The following SLC37A1 variants were observed in gnomAD, a reference collection of about 807,000 sequenced individuals.
SLC37A1 encodes the protein glucose-6-phosphate exchanger SLC37A1.
In SLC37A1, 49 loss-of-function variants were observed where a neutral mutation model predicts 75.3. The ratio of observed to expected loss-of-function variants is 0.65; its 90% confidence interval spans 0.52 to 0.83. The LOEUF (loss-of-function observed/expected upper bound fraction) is 0.83, where lower values mean the gene tolerates loss of function less well. SLC37A1 is among the 40% of genes least tolerant of loss of function. The pLI is 0.00. For synonymous variants in SLC37A1, 268 were observed against 292.1 expected (o/e 0.92, Z 0.84); for missense variants, 566 against 695.0 (o/e 0.81, Z 2.09).
At chr21:42,538,723 GC>G (rs1337207425) in intron 5 of SLC37A1, among the ~76,000 whole-genome samples, 1 of 152,224 alleles carries the variant, frequency 6.6e-6, no homozygotes, top group African/African-American at 2.4e-5. Context: ...TGCTGTGATG[GC>G]GGCTAAAGAC....
At chr21:42,507,658 C>G (rs757382281) in intron 2 of SLC37A1, among the ~76,000 whole-genome samples, 11 of 152,292 alleles carry the variant, frequency 7.2e-5, no homozygotes, top group Admixed American at 6.5e-5. Flanking sequence ...GTACTTCTTA[C>G]GAAGGCCTCA....
chr21:42,542,341 C>A, intron 6 of SLC37A1, 63 bp from the exon 7 acceptor site: 1 of 1,482,400 alleles, frequency 6.7e-7, no homozygotes, highest in Non-Finnish European at 9.3e-7. Flanking sequence ...CTGTGCACCT[C>A]CCTGCAGCGC....
At position 42,539,738 on chromosome 21, in the gene SLC37A1, TGGGAAG is replaced by T. The variant is rs2083131658; in HGVS notation, c.486+95_486+100del. ...TGTCACGTCACCTCTGTCAAGGTGT[TGGGAAG>T]GGGCAGAAGTGCGTCCTGTCGGAAG... On this transcript the variant is annotated intron_variant, in intron 6 of 19. Transcript: ENST00000352133. 3 of 1,356,312 alleles carry T rather than the reference TGGGAAG, an allele frequency of 2.2e-6. No homozygotes were observed. In the Admixed American group the frequency reaches 7.3e-5, roughly 33 times the overall value. 84.0% of individuals were successfully genotyped at this position (1,356,312 alleles called of 1,614,324 possible). A position where few individuals can be genotyped will look rare whatever the true frequency, so the allele number is the denominator to read the frequency against.
rs1161313598 is a variant in SLC37A1, at chr21:42,530,654, A to ACACACACCCCC, written c.139-4043_139-4042insACACACCCCCC. On this transcript the variant is annotated intron_variant, in intron 3 of 19. Coordinates refer to ENST00000352133, the MANE Select transcript of SLC37A1 (RefSeq NM_001320537.2). ...CACACACACACACACACACACACAC[A>ACACACACCCCC]CCCCCTCTGTGTTGGCTGAAGGTGG... Among the ~76,000 whole-genome samples the ACACACACCCCC allele has an allele frequency of 2.3e-3, 83 of 35,880 alleles. 6 individuals carry two copies. The highest frequency in any genetic ancestry group is 3.3e-3 in the Non-Finnish European group (63 of 19,096). 23.5% of individuals were successfully genotyped at this position (35,880 alleles called of 152,430 possible).
intron 2 of SLC37A1, chr21:42,508,746 T>C (rs1489974977): frequency 6.6e-6 from 1 of 152,210 alleles, no homozygotes; most frequent in African/African-American, 2.4e-5. Context: ...CAAATACCCG[T>C]GAGCACTCTC....
chr21:42,526,600 G>A (rs1390370926), intron 3 of SLC37A1, among the ~76,000 whole-genome samples: 3 of 152,178 alleles, frequency 2.0e-5, no homozygotes, highest in African/African-American at 7.2e-5. Flanking sequence ...CTCCACTCCT[G>A]CCGGTGGCTG....
At chr21:42,510,855 A>G (rs2054426313), upstream of SLC37A1, among the ~76,000 whole-genome samples, 1 of 152,236 alleles carries the variant, frequency 6.6e-6, no homozygotes, top group Non-Finnish European at 1.5e-5. Flanking sequence ...ACCTAAATAT[A>G]TATTAACGGA....
Position 42,519,608 on chromosome 21 carries a change from TCTC to T in SLC37A1, c.56+1103_56+1105del, listed in dbSNP as rs796583656. ...CAGCGGCAGATTCTGGGCCCATTCA[TCTC>T]CTCCACGCCAACCCCCTGGCAGCCC... is the stretch of plus-strand genomic sequence containing the variant. On this transcript the variant is annotated intron_variant, in intron 2 of 19. Coordinates refer to ENST00000352133, the MANE Select transcript of SLC37A1 (RefSeq NM_001320537.2). Among the ~76,000 whole-genome samples, 166 of 152,298 alleles carry T rather than the reference TCTC, an allele frequency of 1.1e-3. 2 individuals are homozygous for T. Among genetic ancestry groups the T allele is most frequent in the African/African-American group, 3.8e-3 (156 of 41,544 alleles).
intron 14 of SLC37A1, 143 bp downstream of exon 14, chr21:42,564,936 C>T (rs1363807810): frequency 1.4e-6 from 1 of 726,316 alleles, no homozygotes; most frequent in East Asian, 2.8e-5. Flanking sequence ...TCCTGTCCCC[C>T]GACCCCTCCC....
chr21:42,519,482 G>A (rs1268922360), intron 2 of SLC37A1, among the ~76,000 whole-genome samples: 3 of 152,208 alleles, frequency 2.0e-5, no homozygotes, highest in Admixed American at 2.0e-4. Context: ...AGGATTTATA[G>A]CAGATGGATT....
intron 17 of SLC37A1, among the ~76,000 whole-genome samples, chr21:42,571,698 C>T (rs1329582454): frequency 6.6e-6 from 1 of 152,050 alleles, no homozygotes; most frequent in African/African-American, 2.4e-5. Context: ...CCTCCTCCTC[C>T]TCAGTTATAC....
In SLC37A1 at chr21:42,534,759, A is replaced by G. The variant is rs2055088062; in HGVS notation, c.200A>G (p.Asn67Ser). ...GCTGACGTCAGGTTCAGCAGCCAGAACAGGAAGTCTGGGTCCGCTGCCCCC... is the reference window on the plus strand; with the variant it reads ...GCTGACGTCAGGTTCAGCAGCCAGAGCAGGAAGTCTGGGTCCGCTGCCCCC... ...DEADVRFSSQ[N>S]RKSGSAAPHQ... The change falls in exon 4 of 20, where the codon AAC (asparagine) becomes AGC (serine). Residue 67 changes from asparagine to serine, a missense_variant. Transcript: ENST00000352133. The G allele has an allele frequency of 6.2e-7, 1 of 1,613,908 alleles. No homozygotes were observed. The highest frequency in any genetic ancestry group is 8.5e-7 in the Non-Finnish European group (1 of 1,179,974).
chr21:42,518,327 TCTTTCCACG>T lies in SLC37A1; in HGVS notation c.-120_-112del. The T allele has an allele frequency of 1.6e-6, 2 of 1,223,808 alleles. No individual in the cohort carries two copies. Among genetic ancestry groups the T allele is most frequent in the Non-Finnish European group, 2.4e-6 (2 of 839,412 alleles). 75.8% of individuals were successfully genotyped at this position (1,223,808 alleles called of 1,614,324 possible). A position where few individuals can be genotyped will look rare whatever the true frequency, so the allele number is the denominator to read the frequency against. On this transcript the variant is annotated 5_prime_UTR_variant, in exon 2 of 20. Coordinates refer to ENST00000352133, the MANE Select transcript of SLC37A1 (RefSeq NM_001320537.2). ...GGGGACAAGACCCAGCAGGACACCTTCTTTCCACGCTTTCCAGCCTGTGGGAGCGGCAGG... is the reference window on the plus strand; with the variant it reads ...GGGGACAAGACCCAGCAGGACACCTTCTTTCCAGCCTGTGGGAGCGGCAGG...
At chr21:42,520,769 G>T (rs1017463169) in intron 2 of SLC37A1, among the ~76,000 whole-genome samples, 3 of 152,306 alleles carry the variant, frequency 2.0e-5, no homozygotes, top group African/African-American at 7.2e-5. Flanking sequence ...CCCACTAAAA[G>T]GAGCCAGGAG....
chr21:42,571,975 C>T (rs1371416091), intron 17 of SLC37A1, among the ~76,000 whole-genome samples: 4 of 152,192 alleles, frequency 2.6e-5, no homozygotes, highest in African/African-American at 4.8e-5. Context: ...CCTCTCTTGC[C>T]TGCGACACAG....
Position 42,545,450 on chromosome 21 carries a change from AAGGCATC to A in SLC37A1, c.731-1650_731-1644del, listed in dbSNP as rs1481884343. 3.9e-5 allele frequency among the ~76,000 whole-genome samples: 6 copies of A among 152,152 alleles called. No homozygotes were observed. Among genetic ancestry groups the A allele is most frequent in the African/African-American group, 1.4e-4 (6 of 41,526 alleles). On this transcript the variant is annotated intron_variant, in intron 8 of 19. Transcript: ENST00000352133. The surrounding 1 kb of genome is among the most constrained non-coding windows in gnomAD (Gnocchi z 4.0). ...AATCACTGATCCTGGGCAGGTACTA[AAGGCATC>A]AGATGTGCCATTCTTGCGGTCAACA...
chr21:42,580,008 A>C (rs1038626471), intron 19 of SLC37A1, among the ~76,000 whole-genome samples: 1 of 152,140 alleles, frequency 6.6e-6, no homozygotes, highest in African/African-American at 2.4e-5. Context: ...CCCTGAGTGG[A>C]AAATGTGAGG....
intron 1 of SLC37A1, among the ~76,000 whole-genome samples, chr21:42,500,486 C>T (rs940325653): frequency 6.6e-6 from 1 of 152,186 alleles, no homozygotes; most frequent in African/African-American, 2.4e-5. Context: ...AGCATAGTGC[C>T]TAGCACAAAG....
At chr21:42,505,742 G>C (rs1025055264) in intron 2 of SLC37A1, among the ~76,000 whole-genome samples, 8 of 152,270 alleles carry the variant, frequency 5.3e-5, no homozygotes, top group African/African-American at 1.9e-4. Context: ...TTCTAAAAGA[G>C]CTTTTTAAAT....
Sources: gnomAD v4.1 joint callset for allele counts (sites outside exome capture counted in the v4.1 genomes callset) on GRCh38, gnomAD v4.1.1 for gene constraint, Gnocchi (gnomAD v3.1) non-coding constraint, MANE v1.5 for transcripts, NCBI Gene and HGNC (gene_info 2026-07-23, HGNC 2026-07-21) for gene names.